The following RPS6KA2 variants were observed in gnomAD, a reference collection of about 807,000 sequenced individuals.
RPS6KA2 encodes the protein ribosomal protein S6 kinase A2.
Under a neutral mutation model 91.8 loss-of-function variants are expected in RPS6KA2, and 42 were observed. That is an observed-to-expected ratio of 0.46 (90% CI 0.36 to 0.59). RPS6KA2 has a LOEUF of 0.59. RPS6KA2 is among the 20% of genes least tolerant of loss of function. The pLI is 0.00. For missense variants in RPS6KA2, 798 were observed against 978.5 expected, an observed-to-expected ratio of 0.82 and a Z score of 2.46; for synonymous variants, 414 against 393.6, an observed-to-expected ratio of 1.05 and a Z score of -0.61.
intron 2 of RPS6KA2, among the ~76,000 whole-genome samples, chr6:166,793,814 A>G (rs1779156558): frequency 6.6e-6 from 1 of 152,076 alleles, no homozygotes; most frequent in Admixed American, 6.6e-5. Context: ...TAGAAAGCTG[A>G]AACTGGATCC....
rs1439573581 is a variant in RPS6KA2, at chr6:166,437,018, TC to T, written c.1333-4529del. On this transcript the variant is annotated intron_variant, in intron 14 of 20. Transcript: ENST00000265678. The surrounding 1 kb of genome is among the most constrained non-coding windows in gnomAD (Gnocchi z 4.3). ...CTGGCTGCTTTTCCCTGTAACTTTT[TC>T]TGAAAAAAAAATTTTTTTTTTTTGC... 2.6e-5 allele frequency among the ~76,000 whole-genome samples: 4 copies of T among 151,454 alleles called. No individual in the cohort carries two copies. The highest frequency in any genetic ancestry group is 5.9e-5 in the Non-Finnish European group (4 of 68,016).
intron 2 of RPS6KA2, among the ~76,000 whole-genome samples, chr6:166,831,790 CATAG>C (rs71755835): frequency 0.14 from 20,166 of 148,552 alleles, 1,690 homozygotes; most frequent in Non-Finnish European, 0.18. Flanking sequence ...ATGATAGATA[CATAG>C]ATAGATGATA....
chr6:166,790,969 A>C (rs1288935013), intron 2 of RPS6KA2, among the ~76,000 whole-genome samples: 4 of 152,210 alleles, frequency 2.6e-5, no homozygotes, highest in African/African-American at 7.2e-5. Context: ...CGAGCAAAAT[A>C]ACCAGCTAAC....
At chr6:166,478,966 C>T (rs1562522702) in intron 10 of RPS6KA2, among the ~76,000 whole-genome samples, 2 of 152,224 alleles carry the variant, frequency 1.3e-5, no homozygotes, top group Non-Finnish European at 2.9e-5. Context: ...GGAAGGGGTG[C>T]GTGGCGTGGG....
chr6:166,857,419 C>T (rs1033383472), intron 2 of RPS6KA2, among the ~76,000 whole-genome samples: 1 of 152,220 alleles, frequency 6.6e-6, no homozygotes, highest in African/African-American at 2.4e-5. Context: ...AATGCCTTGA[C>T]TACAGCCTCA....
chr6:166,770,513 A>G lies in RPS6KA2; in HGVS notation c.123+87687T>C, dbSNP rs1415743596. ...GGTAATTTCAGCTTATTTTGAAGGCACGTCGTAGTTTTAAAAGGAATATTG... is the reference window on the plus strand; with the variant it reads ...GGTAATTTCAGCTTATTTTGAAGGCGCGTCGTAGTTTTAAAAGGAATATTG... On this transcript the variant is annotated intron_variant, in intron 2 of 21. Coordinates refer to the RPS6KA2 transcript ENST00000503859. This position sits in a 1 kb window ranked among gnomAD's most constrained non-coding sequence, Gnocchi z 5.1. Among the ~76,000 whole-genome samples, 1 of 152,204 alleles carries G rather than the reference A, an allele frequency of 6.6e-6. No individual in the cohort carries two copies. Among genetic ancestry groups the G allele is most frequent in the Non-Finnish European group, 1.5e-5 (1 of 68,036 alleles).
At position 166,761,926 on chromosome 6, in the gene RPS6KA2, G is replaced by C. The variant is rs577673894; in HGVS notation, c.123+96274C>G. 2.6e-5 allele frequency among the ~76,000 whole-genome samples: 4 copies of C among 152,350 alleles called. No homozygotes were observed. The East Asian group carries it at 7.7e-4, about 29-fold the overall frequency. ...CTCATGGCGAGAACAAAGAGCCCAGGGAGGGTAAAGCTCCAGATGGGGCAG... is the reference window on the plus strand; with the variant it reads ...CTCATGGCGAGAACAAAGAGCCCAGCGAGGGTAAAGCTCCAGATGGGGCAG... On this transcript the variant is annotated intron_variant, in intron 2 of 21. Coordinates refer to the RPS6KA2 transcript ENST00000503859.
chr6:166,427,649 A>G (rs947870358), intron 16 of RPS6KA2, among the ~76,000 whole-genome samples: 12 of 152,250 alleles, frequency 7.9e-5, no homozygotes, highest in African/African-American at 4.8e-5. Context: ...GCATTCTTAT[A>G]CACCAATAAC....
intron 11 of RPS6KA2, among the ~76,000 whole-genome samples, chr6:166,467,726 G>C (rs1780598298): frequency 6.6e-6 from 1 of 152,210 alleles, no homozygotes; most frequent in Non-Finnish European, 1.5e-5. Flanking sequence ...TCTGTCCCCT[G>C]CTGCATCCTC....
rs768356263 is a variant in RPS6KA2, at chr6:166,783,802, GCA to G, written c.123+74396_123+74397del. Among the ~76,000 whole-genome samples the G allele has an allele frequency of 3.4e-4, 40 of 116,958 alleles. 2 individuals are homozygous for G. Among genetic ancestry groups the G allele is most frequent in the African/African-American group, 6.4e-4 (24 of 37,290 alleles). The allele number at this position is 116,958 out of a possible 152,430, so 76.7% of individuals were successfully genotyped here. ...TATCTATAACTACATATATACACGT[GCA>G]CAGTTACCTGTAACCACATATGCAC... On this transcript the variant is annotated intron_variant, in intron 2 of 21. Transcript: ENST00000503859.
At chr6:166,566,921 A>G (rs969774404) in intron 1 of RPS6KA2, among the ~76,000 whole-genome samples, 5 of 152,242 alleles carry the variant, frequency 3.3e-5, no homozygotes, top group Admixed American at 3.3e-4. Context: ...AGCTGGCAAC[A>G]GGGATTTTCC....
At chr6:166,449,342 G>A in intron 13 of RPS6KA2, among the ~76,000 whole-genome samples, 1 of 152,008 alleles carries the variant, frequency 6.6e-6, no homozygotes, top group East Asian at 1.9e-4. Context: ...AGCCTGCACT[G>A]TCATGACAAC....
chr6:166,693,554 C>T (rs1455553856), intron 2 of RPS6KA2, among the ~76,000 whole-genome samples: 2 of 152,192 alleles, frequency 1.3e-5, no homozygotes, highest in African/African-American at 4.8e-5. Context: ...TAGCCAGGAT[C>T]TCTCGCCTGG....
At chr6:166,572,335 G>A (rs1784713642) in intron 1 of RPS6KA2, among the ~76,000 whole-genome samples, 2 of 152,200 alleles carry the variant, frequency 1.3e-5, no homozygotes, top group Non-Finnish European at 2.9e-5. Flanking sequence ...ACATAAACAT[G>A]AACGATTACT....
chr6:166,513,756 C>T (rs1449885795), intron 3 of RPS6KA2, among the ~76,000 whole-genome samples: 3 of 152,208 alleles, frequency 2.0e-5, no homozygotes, highest in Non-Finnish European at 2.9e-5. Flanking sequence ...AAACCACTGT[C>T]CCAGTCGTTA....
intron 11 of RPS6KA2, among the ~76,000 whole-genome samples, chr6:166,462,567 C>T (rs1780357403): frequency 6.6e-6 from 1 of 152,224 alleles, no homozygotes; most frequent in South Asian, 2.1e-4. Context: ...CAGCCCAGGA[C>T]ACTGCGCCTG....
intron 14 of RPS6KA2, 30 bp from the exon 15 acceptor site, chr6:166,432,520 G>A (rs899838756): frequency 4.1e-6 from 6 of 1,460,134 alleles, no homozygotes; most frequent in African/African-American, 1.4e-5. Context: ...TGGCAGTGAG[G>A]GGTCTACTTT....
chr6:166,727,823 TA>T (rs1790386449), intron 2 of RPS6KA2, among the ~76,000 whole-genome samples: 1 of 152,086 alleles, frequency 6.6e-6, no homozygotes, highest in African/African-American at 2.4e-5. Flanking sequence ...CCACAGTTTG[TA>T]AAAAACAGCA....
At chr6:166,605,715 A>G (rs1450996560) in intron 1 of RPS6KA2, among the ~76,000 whole-genome samples, 1 of 152,170 alleles carries the variant, frequency 6.6e-6, no homozygotes, top group East Asian at 1.9e-4. Flanking sequence ...GCACAGATAC[A>G]CCTCCCTCCA....
Sources: allele counts gnomAD v4.1 joint callset (sites outside exome capture counted in the v4.1 genomes callset), GRCh38; gene constraint gnomAD v4.1.1; non-coding constraint Gnocchi (gnomAD v3.1); transcripts MANE v1.5; gene names NCBI Gene and HGNC (gene_info 2026-07-23, HGNC 2026-07-21).